Variants in SORL1 observed in about 807,000 individuals in gnomAD.
SORL1 encodes the protein sortilin related receptor 1.
SORL1 carries 127 observed loss-of-function variants against 273.7 expected under a neutral mutation model. That is an observed-to-expected ratio of 0.46 (90% CI 0.40 to 0.54). The LOEUF (loss-of-function observed/expected upper bound fraction) is 0.54. SORL1 is among the 20% of genes least tolerant of loss of function. The pLI is 0.00. For synonymous variants in SORL1, 1,031 were observed against 1,067.4 expected, an observed-to-expected ratio of 0.97 and a Z score of 0.66; for missense variants, 2,494 against 2,846.1, an observed-to-expected ratio of 0.88 and a Z score of 2.81.
At chr11:121,516,544 C>T (rs1861955413) in intron 8 of SORL1, among the ~76,000 whole-genome samples, 1 of 152,142 alleles carries the variant, frequency 6.6e-6, no homozygotes, top group Admixed American at 6.5e-5. Context: ...TCTACCTGGC[C>T]TCTGACAGTG....
At chr11:121,566,154 T>C (rs541178625) in intron 21 of SORL1, among the ~76,000 whole-genome samples, 1 of 152,122 alleles carries the variant, frequency 6.6e-6, no homozygotes, top group Non-Finnish European at 1.5e-5. Context: ...TTTTATGGAA[T>C]GAATAAAGGA....
intron 14 of SORL1, among the ~76,000 whole-genome samples, 200 bp downstream of exon 14, chr11:121,545,629 A>C (rs1015979643): frequency 1.4e-4 from 22 of 152,354 alleles, no homozygotes; most frequent in African/African-American, 4.3e-4. Flanking sequence ...TCTTATAGCC[A>C]GGTAATGCGG....
Position 121,452,510 on chromosome 11 carries a change from T to C in SORL1, c.179T>C (p.Leu60Pro), listed in dbSNP as rs1591539639. ...CAGGGCGACCCGCGCGAGCTGCGGC[T>C]GTGGGCGCGCGGGGATGCCAGGGGG... ...VVQGDPRELR[L>P]WARGDARGAS... Residue 60 changes from leucine to proline, a missense_variant, in exon 1 of 48, where the codon CTG becomes CCG. Coordinates refer to ENST00000260197, the MANE Select transcript of SORL1 (RefSeq NM_003105.6). The surrounding 1 kb of genome is among the most constrained non-coding windows in gnomAD (Gnocchi z 5.3). The C allele has an allele frequency of 6.8e-7, 1 of 1,479,184 alleles. No homozygotes were observed. The highest frequency in any genetic ancestry group is 8.9e-7 in the Non-Finnish European group (1 of 1,118,796). 91.6% of individuals were successfully genotyped at this position (1,479,184 alleles called of 1,614,324 possible).
chr11:121,481,814 C>T (rs1861392627), intron 3 of SORL1, among the ~76,000 whole-genome samples: 1 of 145,300 alleles, frequency 6.9e-6, no homozygotes, highest in African/African-American at 2.6e-5. Flanking sequence ...TGCACAGATA[C>T]CTATAGGCAG....
Position 121,629,670 on chromosome 11 carries a change from A to C in SORL1, c.*107A>C. On this transcript the variant is annotated 3_prime_UTR_variant, in exon 48 of 48. Transcript: ENST00000260197. ...CTTTGAGTTGCAATATGTTATTTTT[A>C]TATGGGCCAAAAACAAAAAACAAAA... is the stretch of plus-strand genomic sequence containing the variant. 1 of 597,662 alleles carries C rather than the reference A, an allele frequency of 1.7e-6. No homozygotes were observed. Among genetic ancestry groups the C allele is most frequent in the Non-Finnish European group, 3.0e-6 (1 of 334,864 alleles). The allele number at this position is 597,662 out of a possible 1,614,324, so 37.0% of individuals were successfully genotyped here. A position where few individuals can be genotyped will look rare whatever the true frequency, so the allele number is the denominator to read the frequency against.
At chr11:121,510,082 T>C (rs1861853686) in intron 6 of SORL1, among the ~76,000 whole-genome samples, 1 of 152,218 alleles carries the variant, frequency 6.6e-6, no homozygotes, top group Non-Finnish European at 1.5e-5. Context: ...TAAGAATGTT[T>C]CTGGAAATAA....
chr11:121,618,940 C>T (rs1425259949), intron 42 of SORL1, 47 bp downstream of exon 42: 1 of 1,610,122 alleles, frequency 6.2e-7, no homozygotes, highest in Non-Finnish European at 8.5e-7. Context: ...GTCTTAAGTC[C>T]TGGGCTCTGG....
rs541771146 is a variant in SORL1, at chr11:121,631,632, C to A, written c.*2069C>A. On this transcript the variant is annotated 3_prime_UTR_variant, in exon 48 of 48. Coordinates refer to ENST00000260197, the MANE Select transcript of SORL1 (RefSeq NM_003105.6). ...TATTTTCAGTTATTCCATAGGCAAG[C>A]CTTTTTACAGAGCATATGTCTCCAG... 6.6e-6 allele frequency: 1 copy of A among 152,160 alleles called. No homozygotes were observed. Among genetic ancestry groups the A allele is most frequent in the African/African-American group, 2.4e-5 (1 of 41,426 alleles). 9.4% of individuals were successfully genotyped at this position (152,160 alleles called of 1,614,324 possible).
chr11:121,560,514 C>T (rs117477219), intron 21 of SORL1, among the ~76,000 whole-genome samples: 30 of 152,312 alleles, frequency 2.0e-4, no homozygotes, highest in Non-Finnish European at 1.9e-4. Context: ...AAGAATTTCC[C>T]TCTTTATCTC....
chr11:121,610,846 A>G (rs1450685142), intron 38 of SORL1: 4 of 429,120 alleles, frequency 9.3e-6, no homozygotes, highest in African/African-American at 2.0e-5. Flanking sequence ...CCTAATTGCC[A>G]GGATAGCCGA....
At chr11:121,462,169 A>T (rs1379356574) in intron 1 of SORL1, among the ~76,000 whole-genome samples, 2 of 152,086 alleles carry the variant, frequency 1.3e-5, no homozygotes, top group East Asian at 3.9e-4. Context: ...GAAATTTTTG[A>T]TCTCAAGCAG....
intron 12 of SORL1, among the ~76,000 whole-genome samples, chr11:121,541,247 G>T (rs563077135): frequency 4.0e-5 from 6 of 151,160 alleles, no homozygotes; most frequent in Non-Finnish European, 5.9e-5. Flanking sequence ...TGTCATCCAG[G>T]TGGGACTGCA....
At chr11:121,608,296 C>A (rs2134928157) in intron 38 of SORL1, 120 bp downstream of exon 38, 1 of 801,054 alleles carries the variant, frequency 1.2e-6, no homozygotes, top group African/African-American at 1.7e-5. Flanking sequence ...CAACTTTCTT[C>A]TCCCCAACAC....
chr11:121,528,827 A>G (rs2134867057), intron 11 of SORL1, among the ~76,000 whole-genome samples: 1 of 152,284 alleles, frequency 6.6e-6, no homozygotes, highest in African/African-American at 2.4e-5. Context: ...ACTGGGAAGG[A>G]ATATGTATTA....
At chr11:121,624,975 C>T (rs543578258) in intron 45 of SORL1, 110 bp from the exon 46 acceptor site, 10 of 739,404 alleles carry the variant, frequency 1.4e-5, no homozygotes, top group South Asian at 4.1e-5. Flanking sequence ...AGGGCGCTTT[C>T]GCGTCTGTAG....
rs528123842 is a variant in SORL1 at position 121,478,124 on chromosome 11, G to A, written c.409G>A (p.Val137Met). Reference protein sequence around the residue: ...LARPKSSDVYVSYDYGKSFKK... With the variant: ...LARPKSSDVYMSYDYGKSFKK... ...CCTTTTCTCTGTATTCCAGGTGTAC[G>A]TGTCTTACGACTATGGAAAATCATT... Residue 137 changes from valine to methionine, a missense_variant, in exon 3 of 48, where the codon GTG becomes ATG. Val to Met is a conservative substitution (Grantham distance 21). Around this residue, in one of 3 missense-constraint regions of SORL1, gnomAD observed 710 missense variants for 882.5 expected, o/e 0.80. Transcript: ENST00000260197. 1.7e-4 allele frequency: 277 copies of A among 1,611,940 alleles called. 2 individuals are homozygous for A. In the South Asian group the frequency reaches 2.5e-3, roughly 15 times the overall value.
chr11:121,590,019 T>C (rs768915245), intron 29 of SORL1, 21 bp from the exon 30 acceptor site: 10 of 1,613,056 alleles, frequency 6.2e-6, no homozygotes, highest in Non-Finnish European at 7.6e-6. Context: ...AAGCAACTGA[T>C]GATGTGGTTG....
At chr11:121,581,645 G>A (rs7120354) in intron 25 of SORL1, among the ~76,000 whole-genome samples, 27,441 of 152,064 alleles carry the variant, frequency 0.18, 3,530 homozygotes, top group African/African-American at 0.36. Context: ...AAAAGATAAT[G>A]CGTTATGTAT....
rs778930072 is a variant in SORL1, at chr11:121,543,543, G to T, written c.1686-5G>T. 13 of 1,608,610 alleles carry T rather than the reference G, an allele frequency of 8.1e-6. No homozygotes were observed. In the African/African-American group the frequency reaches 1.1e-4, roughly 13 times the overall value. ...GCAAGGATTCTCTTACTTGCATTTG[G>T]GCAGATACAGTACCAATGAAGGGGA... On this transcript the variant is annotated splice_polypyrimidine_tract_variant and splice_region_variant and intron_variant, in intron 12 of 47. Transcript: ENST00000260197.
Sources: allele counts gnomAD v4.1 joint callset (sites outside exome capture counted in the v4.1 genomes callset), GRCh38; gene constraint gnomAD v4.1.1; regional missense constraint gnomAD v4.1.1; non-coding constraint Gnocchi (gnomAD v3.1); transcripts MANE v1.5; gene names NCBI Gene and HGNC (gene_info 2026-07-23, HGNC 2026-07-21).